Variants in ABL2 observed in about 807,000 individuals in gnomAD.
The protein encoded by ABL2 is tyrosine-protein kinase ABL2.
In ABL2, 49 loss-of-function variants were observed where a neutral mutation model predicts 107.7. That is an observed-to-expected ratio of 0.45 (90% confidence interval 0.36 to 0.58). The LOEUF is 0.58. ABL2 is among the 20% of genes least tolerant of loss of function. The pLI is 0.00. For synonymous variants in ABL2, 549 were observed against 548.6 expected, an observed-to-expected ratio of 1.00 and a Z score of -0.01; for missense variants, 1,245 against 1,457.0, an observed-to-expected ratio of 0.85 and a Z score of 2.37.
intron 11 of ABL2, 118 bp from the exon 12 acceptor site, chr1:179,109,559 G>A (rs1653838044): frequency 2.8e-6 from 4 of 1,429,696 alleles, no homozygotes; most frequent in African/African-American, 2.9e-5. Context: ...GTGTTGGCAG[G>A]ACTCAGAAGC....
intron 1 of ABL2, among the ~76,000 whole-genome samples, chr1:179,135,383 A>G (rs1656788264): frequency 7.1e-6 from 1 of 140,716 alleles, no homozygotes; most frequent in Non-Finnish European, 1.5e-5. Context: ...CTGCCCTGCC[A>G]CCCCGTCCGG....
At chr1:179,159,505 AAG>A (rs1414798137) in intron 1 of ABL2, among the ~76,000 whole-genome samples, 1 of 152,230 alleles carries the variant, frequency 6.6e-6, no homozygotes, top group East Asian at 1.9e-4. Flanking sequence ...CCATGAATTT[AAG>A]AGATACATCT....
At chr1:179,184,698 G>A (rs1282280854) in intron 1 of ABL2, among the ~76,000 whole-genome samples, 1 of 152,126 alleles carries the variant, frequency 6.6e-6, no homozygotes, top group Non-Finnish European at 1.5e-5. Flanking sequence ...ATGACTAATA[G>A]AACACTGATG....
chr1:179,184,792 C>A (rs897157844), intron 1 of ABL2, among the ~76,000 whole-genome samples: 1 of 152,056 alleles, frequency 6.6e-6, no homozygotes, highest in African/African-American at 2.4e-5. Flanking sequence ...GGCTCACTTG[C>A]CCTGTTCTTG....
At chr1:179,201,145 T>A (rs1249619559) in intron 1 of ABL2, among the ~76,000 whole-genome samples, 1 of 152,160 alleles carries the variant, frequency 6.6e-6, no homozygotes, top group Non-Finnish European at 1.5e-5. Flanking sequence ...AGGGCCAACC[T>A]TGCAAGCAGA....
At position 179,127,427 on chromosome 1, in the gene ABL2, T is replaced by C. The variant is rs140528728; in HGVS notation, c.392-755A>G. On this transcript the variant is annotated intron_variant, in intron 3 of 11. Coordinates refer to ENST00000502732, the MANE Select transcript of ABL2 (RefSeq NM_007314.4). ...GTGGAATGGCAAGCTCACTCTGAAG[T>C]TGGAAACCAAAACCCAAGTCACTCA... Among the ~76,000 whole-genome samples, 89 of 152,308 alleles carry C rather than the reference T, an allele frequency of 5.8e-4. 1 individual carries two copies. Among genetic ancestry groups the C allele is most frequent in the East Asian group, 5.4e-3 (28 of 5,190 alleles).
chr1:179,202,873 A>C (rs1210366609), intron 1 of ABL2, among the ~76,000 whole-genome samples: 2 of 152,214 alleles, frequency 1.3e-5, no homozygotes, highest in Admixed American at 6.5e-5. Context: ...TAAAAACAAA[A>C]ACCAACCACC....
chr1:179,131,116 A>C (rs1201092093), intron 3 of ABL2, 195 bp downstream of exon 3: 11 of 403,386 alleles, frequency 2.7e-5, no homozygotes, highest in Non-Finnish European at 4.1e-5. Context: ...AATTTTTTTC[A>C]TATTTTTATT....
chr1:179,218,225 C>G (rs532891303), intron 1 of ABL2, among the ~76,000 whole-genome samples: 2 of 152,024 alleles, frequency 1.3e-5, no homozygotes, highest in African/African-American at 4.8e-5. Flanking sequence ...CAAGAGACCT[C>G]TAATGTACGA....
At chr1:179,188,023 A>G (rs541378760) in intron 1 of ABL2, among the ~76,000 whole-genome samples, 2 of 152,122 alleles carry the variant, frequency 1.3e-5, no homozygotes, top group African/African-American at 4.8e-5. Flanking sequence ...CCTCTTATAT[A>G]TTATCCCCTA....
chr1:179,144,539 C>A lies in ABL2; in HGVS notation c.158-11165G>T, dbSNP rs182651536. ...CACTCAATAAATATTTATTAAGCAC[C>A]TACTATGTACCAGCCCCTGTTCTAG... On this transcript the variant is annotated intron_variant, in intron 1 of 11. Transcript: ENST00000502732. Among the ~76,000 whole-genome samples the A allele has an allele frequency of 3.1e-4, 47 of 152,224 alleles. No homozygotes were observed. The Middle Eastern group carries it at 0.017, about 55-fold the overall frequency.
chr1:179,151,136 C>T (rs1658334171), intron 1 of ABL2, among the ~76,000 whole-genome samples: 1 of 152,074 alleles, frequency 6.6e-6, no homozygotes, highest in Non-Finnish European at 1.5e-5. Context: ...TATGGTGATA[C>T]TCACTTCATT....
chr1:179,141,696 T>C (rs1037869950), intron 1 of ABL2, among the ~76,000 whole-genome samples: 28 of 152,220 alleles, frequency 1.8e-4, no homozygotes, highest in African/African-American at 6.0e-4. Context: ...ATTTCCTTCC[T>C]TTCTTCTTTC....
intron 10 of ABL2, 99 bp from the exon 11 acceptor site, chr1:179,110,554 G>A (rs1032671976): frequency 6.6e-7 from 1 of 1,520,704 alleles, no homozygotes; most frequent in Non-Finnish European, 8.8e-7. Flanking sequence ...GAACTGGCAA[G>A]TAGAGTACTA....
chr1:179,155,432 A>T (rs1658623184), intron 1 of ABL2, among the ~76,000 whole-genome samples: 1 of 152,212 alleles, frequency 6.6e-6, no homozygotes, highest in Non-Finnish European at 1.5e-5. Flanking sequence ...AACAGTTTTT[A>T]AAATTTATAC....
At chr1:179,216,943 T>C (rs1662596464) in intron 1 of ABL2, among the ~76,000 whole-genome samples, 1 of 150,882 alleles carries the variant, frequency 6.6e-6, no homozygotes, top group African/African-American at 2.4e-5. Flanking sequence ...TGGCCACCCA[T>C]AGTGCTGGGA....
At chr1:179,191,413 C>CTTTTT (rs35362624) in intron 1 of ABL2, among the ~76,000 whole-genome samples, 90 of 77,160 alleles carry the variant, frequency 1.2e-3, no homozygotes, top group Non-Finnish European at 1.3e-3. Context: ...TATGAAATCC[C>CTTTTT]TTTTTTTTTT....
At chr1:179,144,363 G>A (rs1239998817) in intron 1 of ABL2, among the ~76,000 whole-genome samples, 1 of 152,048 alleles carries the variant, frequency 6.6e-6, no homozygotes, top group Admixed American at 6.5e-5. Flanking sequence ...GGGAGGCTGA[G>A]GCAGGAGAAA....
intron 1 of ABL2, among the ~76,000 whole-genome samples, chr1:179,158,603 G>C (rs28914496): frequency 2.0e-5 from 3 of 152,188 alleles, no homozygotes; most frequent in Non-Finnish European, 2.9e-5. Flanking sequence ...AGTGACTAAC[G>C]TAAGTCCTTT....
Sources: allele counts gnomAD v4.1 joint callset (sites outside exome capture counted in the v4.1 genomes callset), GRCh38; gene constraint gnomAD v4.1.1; transcripts MANE v1.5; gene names NCBI Gene and HGNC (gene_info 2026-07-23, HGNC 2026-07-21).